The following CADM2 variants were observed in gnomAD, a reference collection of about 807,000 sequenced individuals.
CADM2 encodes cell adhesion molecule 2.
CADM2 carries 12 observed loss-of-function variants against 49.8 expected under a neutral mutation model. That is an observed-to-expected ratio of 0.24 (90% CI 0.15 to 0.39). CADM2 has a LOEUF of 0.39. CADM2 is among the 10% of genes least tolerant of loss of function. CADM2 has a pLI of 1.00. For missense variants in CADM2, 378 were observed against 492.3 expected (o/e 0.77, Z 2.20); for synonymous variants, 214 against 175.4 (o/e 1.22, Z -1.74).
At chr3:85,945,957 G>T (rs199921165) in intron 7 of CADM2, among the ~76,000 whole-genome samples, 3 of 151,942 alleles carry the variant, frequency 2.0e-5, no homozygotes, top group Non-Finnish European at 4.4e-5. Flanking sequence ...AGAAATAAAG[G>T]GTATTCAGTT....
chr3:85,373,437 C>T (rs9865191), intron 1 of CADM2, among the ~76,000 whole-genome samples: 40,290 of 151,986 alleles, frequency 0.27, 5,544 homozygotes, highest in South Asian at 0.34. Flanking sequence ...TAGTTCCCCT[C>T]CTGGCTGCTT....
At chr3:85,619,095 T>C (rs922191813) in intron 1 of CADM2, among the ~76,000 whole-genome samples, 1 of 151,910 alleles carries the variant, frequency 6.6e-6, no homozygotes, top group Non-Finnish European at 1.5e-5. Context: ...ATGAAACTTA[T>C]ACTGGAGTTA....
rs141869147 is a variant in CADM2 at position 85,884,157 on chromosome 3, C to T, written c.391+714C>T. Among the ~76,000 whole-genome samples, 614 of 152,280 alleles carry T rather than the reference C, an allele frequency of 4.0e-3. 5 individuals are homozygous for T. Among genetic ancestry groups the T allele is most frequent in the Middle Eastern group, 0.014 (4 of 294 alleles). On this transcript the variant is annotated intron_variant, in intron 4 of 9. Coordinates refer to ENST00000383699, the MANE Select transcript of CADM2 (RefSeq NM_001167675.2). ...TCTGAGCTCTCTGTGATTCCACAGA[C>T]GTCAGTGCCCCAATCAGCTGAAATT...
chr3:85,120,087 G>A (rs1305911390), intron 1 of CADM2, among the ~76,000 whole-genome samples: 1 of 152,182 alleles, frequency 6.6e-6, no homozygotes, highest in African/African-American at 2.4e-5. Context: ...AATAAAAAAT[G>A]CTCATTAACA....
intron 3 of CADM2, among the ~76,000 whole-genome samples, chr3:85,853,780 A>C (rs1298616487): frequency 2.0e-5 from 3 of 152,120 alleles, no homozygotes; most frequent in African/African-American, 4.8e-5. Context: ...AGGAAACTAA[A>C]ATAATATATA....
intron 3 of CADM2, among the ~76,000 whole-genome samples, chr3:85,878,538 G>A (rs1333794460): frequency 6.6e-6 from 1 of 151,984 alleles, no homozygotes; most frequent in Non-Finnish European, 1.5e-5. Flanking sequence ...ATTTTAAAAT[G>A]TCATTGTAGA....
At chr3:85,031,285 G>C (rs1003861096) in intron 1 of CADM2, among the ~76,000 whole-genome samples, 2 of 152,196 alleles carry the variant, frequency 1.3e-5, no homozygotes, top group African/African-American at 4.8e-5. Context: ...AATTGAGTTA[G>C]TATGTCAGCC....
At chr3:84,992,981 C>G (rs1230179623) in intron 1 of CADM2, among the ~76,000 whole-genome samples, 1 of 151,880 alleles carries the variant, frequency 6.6e-6, no homozygotes, top group Non-Finnish European at 1.5e-5. Flanking sequence ...GGTTGTCAAC[C>G]CAGGATGTAT....
At chr3:85,423,274 G>T (rs1343960615) in intron 1 of CADM2, among the ~76,000 whole-genome samples, 3 of 151,926 alleles carry the variant, frequency 2.0e-5, no homozygotes, top group African/African-American at 7.3e-5. Flanking sequence ...GGTTTATATG[G>T]GCACATTATG....
intron 1 of CADM2, among the ~76,000 whole-genome samples, chr3:85,485,239 C>T (rs2039370582): frequency 6.6e-6 from 1 of 151,716 alleles, no homozygotes; most frequent in East Asian, 1.9e-4. Context: ...TAAATTCCTA[C>T]ATGTGATGTA....
intron 1 of CADM2, among the ~76,000 whole-genome samples, chr3:85,483,394 GTAAA>G (rs2039290312): frequency 6.6e-6 from 1 of 151,068 alleles, no homozygotes; most frequent in Admixed American, 6.6e-5. Flanking sequence ...TTGTGTATAT[GTAAA>G]TAGATTTACA....
chr3:85,711,329 T>C (rs1410889044), intron 1 of CADM2, among the ~76,000 whole-genome samples: 1 of 152,138 alleles, frequency 6.6e-6, no homozygotes, highest in African/African-American at 2.4e-5. Context: ...AAAATCGCTT[T>C]TGTCCCCTAA....
chr3:86,002,467 G>T (rs575465989), intron 8 of CADM2, among the ~76,000 whole-genome samples: 1 of 152,140 alleles, frequency 6.6e-6, no homozygotes, highest in South Asian at 2.1e-4. Flanking sequence ...CCACCCTAGG[G>T]TGATATAAAA....
chr3:85,092,255 G>A (rs2037625464), intron 1 of CADM2, among the ~76,000 whole-genome samples: 1 of 152,114 alleles, frequency 6.6e-6, no homozygotes, highest in Non-Finnish European at 1.5e-5. Context: ...TGAAACTGAT[G>A]AATGATACAT....
chr3:85,866,835 A>G (rs2075741062), intron 3 of CADM2, among the ~76,000 whole-genome samples: 1 of 152,098 alleles, frequency 6.6e-6, no homozygotes, highest in African/African-American at 2.4e-5. Context: ...ATATACATAC[A>G]CACATACGCA....
intron 1 of CADM2, among the ~76,000 whole-genome samples, chr3:85,405,024 G>T (rs899306641): frequency 6.6e-6 from 1 of 152,096 alleles, no homozygotes; most frequent in Non-Finnish European, 1.5e-5. Context: ...TAGAAAGCAG[G>T]AGTGATTTTA....
chr3:85,902,022 A>C (rs1381987233), intron 5 of CADM2, among the ~76,000 whole-genome samples: 2 of 152,158 alleles, frequency 1.3e-5, no homozygotes, highest in Non-Finnish European at 2.9e-5. Context: ...TTATTTAGTC[A>C]TTCATTAGTT....
chr3:84,959,565 A>G lies in CADM2; in HGVS notation c.-43A>G. On this transcript the variant is annotated 5_prime_UTR_variant, in exon 1 of 10. Coordinates refer to ENST00000383699, the MANE Select transcript of CADM2 (RefSeq NM_001167675.2). ...TCTCGTGCCCCGCTCACCAGCATCT[A>G]CTTGCCCCCTCGTTCCTTCCCCAGC... 1 of 1,521,752 alleles carries G rather than the reference A, an allele frequency of 6.6e-7. No homozygotes were observed. Among genetic ancestry groups the G allele is most frequent in the Non-Finnish European group, 8.8e-7 (1 of 1,133,300 alleles). 94.3% of individuals were successfully genotyped at this position (1,521,752 alleles called of 1,614,324 possible). A position where few individuals can be genotyped will look rare whatever the true frequency, so the allele number is the denominator to read the frequency against.
chr3:85,141,658 G>A (rs1310739291), intron 1 of CADM2, among the ~76,000 whole-genome samples: 1 of 151,908 alleles, frequency 6.6e-6, no homozygotes. Flanking sequence ...TTTTAATTCT[G>A]GCATTTTTTA....
Sources: allele counts gnomAD v4.1 joint callset (sites outside exome capture counted in the v4.1 genomes callset), GRCh38; gene constraint gnomAD v4.1.1; transcripts MANE v1.5; gene names NCBI Gene and HGNC (gene_info 2026-07-23, HGNC 2026-07-21).